USP6NL: variants seen among roughly 807,000 people sequenced by gnomAD.
The protein encoded by USP6NL is USP6 N-terminal like.
USP6NL carries 26 observed loss-of-function variants against 61.9 expected under a neutral mutation model. That is an observed-to-expected ratio of 0.42 (90% CI 0.31 to 0.58). The LOEUF (loss-of-function observed/expected upper bound fraction) is 0.58. Ranked by LOEUF, USP6NL falls within the 20% of genes least tolerant of loss-of-function variation. USP6NL has a pLI of 0.16. For missense variants in USP6NL, 1,114 were observed against 1,034.3 expected (o/e 1.08, Z -1.06); for synonymous variants, 432 against 390.1 (o/e 1.11, Z -1.27).
intron 2 of USP6NL, among the ~76,000 whole-genome samples, chr10:11,543,263 C>A (rs143464218): frequency 1.2e-4 from 19 of 152,204 alleles, no homozygotes; most frequent in African/African-American, 4.3e-4. Context: ...TATAACTGGC[C>A]GGGAGCAGTG....
rs1206421553 is a variant in USP6NL at position 11,491,708 on chromosome 10, G to A, written c.495-828C>T. On this transcript the variant is annotated intron_variant, in intron 8 of 14. Transcript: ENST00000609104. The surrounding 1 kb of genome is among the most constrained non-coding windows in gnomAD (Gnocchi z 4.7). ...AGAACACTTGGGGCATCTCTTACTA[G>A]TATCACTGAGCCCTGTGATGAAAGT... 1.3e-5 allele frequency among the ~76,000 whole-genome samples: 2 copies of A among 152,194 alleles called. No individual in the cohort carries two copies. The highest frequency in any genetic ancestry group is 4.8e-5 in the African/African-American group (2 of 41,444).
Position 11,460,555 on chromosome 10 carries a change from A to C in USP6NL, c.*1886T>G, listed in dbSNP as rs1392990777. ...TGTTAAAAAACAATCACATCAAAAAAGTATACAGATAAAAAATGTCATAAA... is the reference window on the plus strand; with the variant it reads ...TGTTAAAAAACAATCACATCAAAAACGTATACAGATAAAAAATGTCATAAA... On this transcript the variant is annotated 3_prime_UTR_variant, in exon 15 of 15. Coordinates refer to ENST00000609104, the MANE Select transcript of USP6NL (RefSeq NM_014688.5). 13 of 147,016 alleles carry C rather than the reference A, an allele frequency of 8.8e-5. No individual in the cohort carries two copies. The highest frequency in any genetic ancestry group is 3.0e-5 in the Non-Finnish European group (2 of 65,854). The allele number at this position is 147,016 out of a possible 1,614,324, so 9.1% of individuals were successfully genotyped here.
Position 11,495,858 on chromosome 10 carries a change from G to A in USP6NL, c.385-2630C>T, listed in dbSNP as rs1311680942. On this transcript the variant is annotated intron_variant, in intron 7 of 14. Coordinates refer to ENST00000609104, the MANE Select transcript of USP6NL (RefSeq NM_014688.5). The surrounding 1 kb of genome is among the most constrained non-coding windows in gnomAD (Gnocchi z 4.6). ...GTTTTCTGCTTTTGTTTAAAAGTGG[G>A]ACACAAAAAAGCTGCATGCCTGGGT... Among the ~76,000 whole-genome samples the A allele has an allele frequency of 6.6e-6, 1 of 152,160 alleles. No individual in the cohort carries two copies. The highest frequency in any genetic ancestry group is 1.9e-4 in the East Asian group (1 of 5,194).
chr10:11,581,848 T>C (rs1325931755), intron 2 of USP6NL, among the ~76,000 whole-genome samples: 1 of 152,164 alleles, frequency 6.6e-6, no homozygotes, highest in Non-Finnish European at 1.5e-5. Context: ...TCTCAGCTCA[T>C]GCAACCTTTG....
chr10:11,515,974 CA>C lies in USP6NL; in HGVS notation c.195+2560del, dbSNP rs1294559168. On this transcript the variant is annotated intron_variant, in intron 5 of 14. Coordinates refer to ENST00000609104, the MANE Select transcript of USP6NL (RefSeq NM_014688.5). ...ATCCTATACACCATGCAAAAGATTG[CA>C]CTACATGAAGGGATAGCTGAATCTA... Among the ~76,000 whole-genome samples the C allele has an allele frequency of 2.6e-5, 4 of 152,228 alleles. No individual in the cohort carries two copies. In the East Asian group the frequency reaches 7.7e-4, roughly 29 times the overall value.
chr10:11,603,493 C>T (rs958009531), intron 1 of USP6NL, among the ~76,000 whole-genome samples: 1 of 151,962 alleles, frequency 6.6e-6, no homozygotes, highest in Non-Finnish European at 1.5e-5. Flanking sequence ...TTCAGGAGTC[C>T]GACATCATTT....
chr10:11,531,129 C>T (rs1835639660), intron 2 of USP6NL, among the ~76,000 whole-genome samples: 1 of 152,122 alleles, frequency 6.6e-6, no homozygotes, highest in Non-Finnish European at 1.5e-5. Flanking sequence ...CATGTTTATG[C>T]TCTCGTTGCA....
rs1833710763 is a variant in USP6NL at position 11,491,588 on chromosome 10, G to T, written c.495-708C>A. On this transcript the variant is annotated intron_variant, in intron 8 of 14. Coordinates refer to ENST00000609104, the MANE Select transcript of USP6NL (RefSeq NM_014688.5). The surrounding 1 kb of genome is among the most constrained non-coding windows in gnomAD (Gnocchi z 4.7). ...TGAACCAACAGGCAAAGAAGGACGT[G>T]GCTGTGTGGGCTGGGGGGATTATCC... Among the ~76,000 whole-genome samples, 1 of 152,216 alleles carries T rather than the reference G, an allele frequency of 6.6e-6. No homozygotes were observed. Among genetic ancestry groups the T allele is most frequent in the Admixed American group, 6.5e-5 (1 of 15,286 alleles).
chr10:11,481,987 A>G lies in USP6NL; in HGVS notation c.926-65T>C. Reference sequence around the variant, plus strand: ...GCTACTTTAGGTAGGAAGATATTCTATTATATTCAGGTGTAGTGTAAAAGG... The same window carrying G: ...GCTACTTTAGGTAGGAAGATATTCTGTTATATTCAGGTGTAGTGTAAAAGG... On this transcript the variant is annotated intron_variant, in intron 13 of 14. Transcript: ENST00000609104. This position sits in a 1 kb window ranked among gnomAD's most constrained non-coding sequence, Gnocchi z 4.4. The G allele has an allele frequency of 6.7e-6, 10 of 1,482,040 alleles. No homozygotes were observed. In the South Asian group the frequency reaches 8.3e-5, roughly 12 times the overall value. 91.8% of individuals were successfully genotyped at this position (1,482,040 alleles called of 1,614,324 possible).
chr10:11,564,648 A>C (rs1388315718), intron 2 of USP6NL: 4 of 152,192 alleles, frequency 2.6e-5, no homozygotes, highest in Admixed American at 2.6e-4. Flanking sequence ...ATAATAAGTA[A>C]AGACATATTC....
chr10:11,519,834 T>C (rs1425956146), intron 4 of USP6NL, among the ~76,000 whole-genome samples: 1 of 152,240 alleles, frequency 6.6e-6, no homozygotes, highest in Non-Finnish European at 1.5e-5. Context: ...AACAAAGTTA[T>C]GCACTTTGAG....
rs2096215797 is a variant in USP6NL, at chr10:11,461,979, A to C, written c.*462T>G. 1 of 153,648 alleles carries C rather than the reference A, an allele frequency of 6.5e-6. No individual in the cohort carries two copies. Among genetic ancestry groups the C allele is most frequent in the South Asian group, 2.1e-4 (1 of 4,860 alleles). 9.5% of individuals were successfully genotyped at this position (153,648 alleles called of 1,614,324 possible). On this transcript the variant is annotated 3_prime_UTR_variant, in exon 15 of 15. Coordinates refer to ENST00000609104, the MANE Select transcript of USP6NL (RefSeq NM_014688.5). ...TGGATTAAAAGTAGTTTTTTAAAAA[A>C]CGTTTCTTTAGCTCTGTGTTCAAAT... is the stretch of plus-strand genomic sequence containing the variant.
chr10:11,541,004 G>A (rs1836025351), intron 2 of USP6NL, among the ~76,000 whole-genome samples: 1 of 139,422 alleles, frequency 7.2e-6, no homozygotes, highest in African/African-American at 2.5e-5. Context: ...ATTTTTGTAA[G>A]GTACCCTAAG....
rs41291255 is a variant in USP6NL at position 11,597,624 on chromosome 10, C to T, written c.4+7G>A. ...ATGGCTGGAAGGAAAGGAAGCAGCGCACTTACTCATGACTGGAAATGGGTC... is the reference window on the plus strand; with the variant it reads ...ATGGCTGGAAGGAAAGGAAGCAGCGTACTTACTCATGACTGGAAATGGGTC... On this transcript the variant is annotated splice_region_variant and intron_variant, in intron 2 of 14. Coordinates refer to ENST00000609104, the MANE Select transcript of USP6NL (RefSeq NM_014688.5). This position sits in a 1 kb window ranked among gnomAD's most constrained non-coding sequence, Gnocchi z 4.6. The T allele has an allele frequency of 0.033, 51,457 of 1,551,206 alleles. 1,098 individuals are homozygous for T. The highest frequency in any genetic ancestry group is 0.041 in the Non-Finnish European group (47,129 of 1,146,538).
chr10:11,463,989 C>T lies in USP6NL; in HGVS notation c.1079-140G>A. 1 of 835,306 alleles carries T rather than the reference C, an allele frequency of 1.2e-6. No individual in the cohort carries two copies. Among genetic ancestry groups the T allele is most frequent in the East Asian group, 2.7e-5 (1 of 36,648 alleles). The allele number at this position is 835,306 out of a possible 1,614,324, so 51.7% of individuals were successfully genotyped here. Reference sequence around the variant, plus strand: ...ATACAACACACTGTCATACAACACACTGTTTATACCACTTACACACACTGT... The same window carrying T: ...ATACAACACACTGTCATACAACACATTGTTTATACCACTTACACACACTGT... On this transcript the variant is annotated intron_variant, in intron 14 of 14. Transcript: ENST00000609104. The surrounding 1 kb of genome is among the most constrained non-coding windows in gnomAD (Gnocchi z 6.3).
At chr10:11,599,515 T>C (rs1189760072) in intron 1 of USP6NL, among the ~76,000 whole-genome samples, 1 of 152,194 alleles carries the variant, frequency 6.6e-6, no homozygotes, top group Non-Finnish European at 1.5e-5. Flanking sequence ...AAAACACCAG[T>C]ATAATAAAAC....
intron 1 of USP6NL, among the ~76,000 whole-genome samples, chr10:11,599,432 A>G (rs904433949): frequency 6.6e-6 from 1 of 152,224 alleles, no homozygotes; most frequent in Non-Finnish European, 1.5e-5. Flanking sequence ...AAAGGAGCCA[A>G]AGAAATACTT....
At chr10:11,546,246 G>A (rs1410876745) in intron 2 of USP6NL, among the ~76,000 whole-genome samples, 1 of 152,176 alleles carries the variant, frequency 6.6e-6, no homozygotes, top group Admixed American at 6.5e-5. Context: ...AGCAGTGAGA[G>A]AAAGGTAAAC....
At chr10:11,577,440 C>CT (rs1251161061) in intron 2 of USP6NL, among the ~76,000 whole-genome samples, 1 of 151,972 alleles carries the variant, frequency 6.6e-6, no homozygotes, top group Non-Finnish European at 1.5e-5. Context: ...TCTTAATTGC[C>CT]TTTTCACTGC....
Sources: gnomAD v4.1 joint callset for allele counts (sites outside exome capture counted in the v4.1 genomes callset) on GRCh38, gnomAD v4.1.1 for gene constraint, Gnocchi (gnomAD v3.1) non-coding constraint, MANE v1.5 for transcripts, NCBI Gene and HGNC (gene_info 2026-07-23, HGNC 2026-07-21) for gene names.